EYA1: variants seen among roughly 807,000 people sequenced by gnomAD.
EYA1 encodes EYA transcriptional coactivator and phosphatase 1.
A neutral mutation model predicts 82.0 loss-of-function variants in EYA1; 16 were observed. That is an observed-to-expected ratio of 0.20 (90% CI 0.13 to 0.30). The LOEUF is 0.30. Ranked by LOEUF, EYA1 falls within the 10% of genes least tolerant of loss-of-function variation. The probability of loss-of-function intolerance (pLI) is 1.00; values close to 1 mark genes in which losing one functional copy is unlikely to be tolerated. For missense variants in EYA1, 633 were observed against 730.7 expected, an observed-to-expected ratio of 0.87 and a Z score of 1.54; for synonymous variants, 261 against 264.4, an observed-to-expected ratio of 0.99 and a Z score of 0.12.
intron 2 of EYA1, among the ~76,000 whole-genome samples, chr8:71,376,033 A>G (rs897014339): frequency 6.6e-6 from 1 of 152,250 alleles, no homozygotes; most frequent in African/African-American, 2.4e-5. Context: ...GTGCATGTGT[A>G]TAAATTATTG....
intron 11 of EYA1, among the ~76,000 whole-genome samples, chr8:71,255,065 G>A (rs984285901): frequency 2.6e-5 from 4 of 152,066 alleles, no homozygotes; most frequent in African/African-American, 9.7e-5. Flanking sequence ...CTTGTACGCT[G>A]AAAAATTTTA....
intron 2 of EYA1, among the ~76,000 whole-genome samples, chr8:71,436,024 C>G (rs946372618): frequency 6.6e-6 from 1 of 151,994 alleles, no homozygotes; most frequent in South Asian, 2.1e-4. Flanking sequence ...TACATATTGT[C>G]AAGAATACTG....
intron 2 of EYA1, among the ~76,000 whole-genome samples, chr8:71,389,184 G>C (rs1829136117): frequency 6.6e-6 from 1 of 151,938 alleles, no homozygotes; most frequent in African/African-American, 2.4e-5. Context: ...AAAAATTCTG[G>C]CAGGGAATGC....
intron 2 of EYA1, among the ~76,000 whole-genome samples, chr8:71,503,904 C>T (rs1182234588): frequency 1.3e-5 from 2 of 152,136 alleles, no homozygotes; most frequent in Admixed American, 6.6e-5. Flanking sequence ...TTGGCAGTTC[C>T]ACTGGTGGTC....
intron 12 of EYA1, among the ~76,000 whole-genome samples, chr8:71,231,541 T>C (rs1407189200): frequency 6.6e-6 from 1 of 152,230 alleles, no homozygotes; most frequent in Non-Finnish European, 1.5e-5. Flanking sequence ...ATCCCATCTC[T>C]CAGACTCTAG....
chr8:71,487,026 GGTT>G (rs1563664161), intron 2 of EYA1, among the ~76,000 whole-genome samples: 2 of 87,772 alleles, frequency 2.3e-5, no homozygotes, highest in Non-Finnish European at 5.4e-5. Context: ...GGACCTAAAT[GGTT>G]TAATCAAGAT....
chr8:71,264,040 C>T (rs551192799), intron 11 of EYA1, among the ~76,000 whole-genome samples: 4 of 152,138 alleles, frequency 2.6e-5, no homozygotes, highest in Non-Finnish European at 5.9e-5. Context: ...GCATATGGCC[C>T]GCAAAGCCTG....
chr8:71,273,758 C>G (rs1816817205), intron 9 of EYA1, among the ~76,000 whole-genome samples: 2 of 152,218 alleles, frequency 1.3e-5, no homozygotes, highest in South Asian at 4.1e-4. Context: ...AAGTACTTTA[C>G]TACAAAGTCT....
intron 2 of EYA1, among the ~76,000 whole-genome samples, chr8:71,416,619 C>G (rs1830866374): frequency 6.6e-6 from 1 of 152,162 alleles, no homozygotes; most frequent in African/African-American, 2.4e-5. Context: ...CCTAGGTGAT[C>G]CTCATCCATT....
intron 9 of EYA1, among the ~76,000 whole-genome samples, chr8:71,298,570 G>A (rs1282778988): frequency 6.6e-6 from 1 of 152,132 alleles, no homozygotes; most frequent in Non-Finnish European, 1.5e-5. Flanking sequence ...ATGACACATT[G>A]TCATGAAATT....
intron 2 of EYA1, among the ~76,000 whole-genome samples, chr8:71,444,586 G>T (rs1445643706): frequency 6.6e-6 from 1 of 152,186 alleles, no homozygotes; most frequent in Non-Finnish European, 1.5e-5. Flanking sequence ...GCTCATCTTA[G>T]GTTGGAATGA....
At position 71,381,155 on chromosome 8, in the gene EYA1, T is replaced by C. The variant is rs374334283; in HGVS notation, c.34-24644A>G. On this transcript the variant is annotated intron_variant, in intron 2 of 18. Coordinates refer to the EYA1 transcript ENST00000643681. ...CACAGTCTAGATCTGGTCCCCTTTT[T>C]CACTCTGGCCTGGGGTCACACGTGG... Among the ~76,000 whole-genome samples, 4 of 152,244 alleles carry C rather than the reference T, an allele frequency of 2.6e-5. No individual in the cohort carries two copies. The South Asian group carries it at 8.3e-4, about 31-fold the overall frequency.
chr8:71,284,682 C>A (rs1229377586), intron 9 of EYA1, among the ~76,000 whole-genome samples: 1 of 152,150 alleles, frequency 6.6e-6, no homozygotes, highest in African/African-American at 2.4e-5. Flanking sequence ...TATTCCAGTT[C>A]AAAAATGCTT....
Position 71,442,696 on chromosome 8 carries a change from C to T in EYA1, c.34-86185G>A, listed in dbSNP as rs533336540. 2.0e-5 allele frequency among the ~76,000 whole-genome samples: 3 copies of T among 152,214 alleles called. No homozygotes were observed. In the East Asian group the frequency reaches 5.8e-4, roughly 29 times the overall value. ...GGGTTTCATATGCATTAACTCAATT[C>T]GTCTTTATAATACCACTATGTGTTG... On this transcript the variant is annotated intron_variant, in intron 2 of 18. Coordinates refer to the EYA1 transcript ENST00000643681.
intron 2 of EYA1, chr8:71,470,960 A>G (rs2129200850): frequency 4.6e-6 from 2 of 438,442 alleles, no homozygotes; most frequent in South Asian, 1.7e-5. Context: ...AAAGGGGAGA[A>G]AAACCTTACC....
intron 2 of EYA1, among the ~76,000 whole-genome samples, chr8:71,499,909 T>C (rs572773461): frequency 6.6e-6 from 1 of 152,318 alleles, no homozygotes; most frequent in Admixed American, 6.5e-5. Flanking sequence ...TGGCAATTAT[T>C]TTATAACGCA....
At chr8:71,406,791 T>G (rs953944390) in intron 2 of EYA1, among the ~76,000 whole-genome samples, 2 of 146,136 alleles carry the variant, frequency 1.4e-5, no homozygotes, top group Admixed American at 6.9e-5. Flanking sequence ...GCAGCGAGGC[T>G]GGGGGAGGGG....
chr8:71,432,461 T>C (rs917058835), intron 2 of EYA1, among the ~76,000 whole-genome samples: 16 of 152,168 alleles, frequency 1.1e-4, no homozygotes, highest in African/African-American at 3.6e-4. Flanking sequence ...ACAACAGAAA[T>C]GTGTTTCTCA....
intron 2 of EYA1, among the ~76,000 whole-genome samples, chr8:71,477,532 T>C (rs36031976): frequency 0.41 from 61,309 of 149,526 alleles, 12,744 homozygotes; most frequent in South Asian, 0.49. Flanking sequence ...CCCTATGTAC[T>C]AGGATGACTA....
Sources: allele counts gnomAD v4.1 joint callset (sites outside exome capture counted in the v4.1 genomes callset), GRCh38; gene constraint gnomAD v4.1.1; transcripts MANE v1.5; gene names NCBI Gene and HGNC (gene_info 2026-07-23, HGNC 2026-07-21).